The following AFG1L variants were observed in gnomAD, a reference collection of about 807,000 sequenced individuals.
AFG1L encodes AFG1-like ATPase.
Under a neutral mutation model 62.2 loss-of-function variants are expected in AFG1L, and 53 were observed. The ratio of observed to expected loss-of-function variants is 0.85; its 90% CI spans 0.68 to 1.07. The LOEUF is 1.07. AFG1L is among the 50% of genes least tolerant of loss of function. The probability of loss-of-function intolerance (pLI) is 0.00; values close to 1 mark genes in which losing one functional copy is unlikely to be tolerated. For missense variants in AFG1L, 555 were observed against 590.5 expected, an observed-to-expected ratio of 0.94 and a Z score of 0.62; for synonymous variants, 228 against 210.3, an observed-to-expected ratio of 1.08 and a Z score of -0.73.
chr6:108,516,810 G>A (rs1042583104), intron 11 of AFG1L, among the ~76,000 whole-genome samples: 1 of 152,102 alleles, frequency 6.6e-6, no homozygotes, highest in Non-Finnish European at 1.5e-5. Flanking sequence ...AAAGTCTCAG[G>A]ATACAAAATC....
At chr6:108,489,799 T>C (rs950479674) in intron 10 of AFG1L, among the ~76,000 whole-genome samples, 4 of 152,178 alleles carry the variant, frequency 2.6e-5, no homozygotes, top group Admixed American at 1.3e-4. Flanking sequence ...GAACGGGGCT[T>C]ACAAACAGTT....
In AFG1L at chr6:108,436,650, C is replaced by G. The variant is rs567096571; in HGVS notation, c.808-10564C>G. Among the ~76,000 whole-genome samples, 7 of 152,236 alleles carry G rather than the reference C, an allele frequency of 4.6e-5. No individual in the cohort carries two copies. The South Asian group carries it at 1.5e-3, about 32-fold the overall frequency. On this transcript the variant is annotated intron_variant, in intron 7 of 12. Transcript: ENST00000368977. ...TGCCTTTTGTGTATCCAAGCAAGAG[C>G]CATAGTTGCCTGAGCATATCATGGG...
At chr6:108,316,517 T>G (rs1435841218) in intron 1 of AFG1L, among the ~76,000 whole-genome samples, 1 of 150,812 alleles carries the variant, frequency 6.6e-6, no homozygotes, top group Non-Finnish European at 1.5e-5. Context: ...TGTATATATT[T>G]ATGGGGTACA....
chr6:108,486,917 C>T (rs1001669201), intron 10 of AFG1L, among the ~76,000 whole-genome samples: 16 of 152,004 alleles, frequency 1.1e-4, no homozygotes, highest in African/African-American at 3.9e-4. Context: ...GTTGGCCAGG[C>T]TGGTCTTGAA....
intron 11 of AFG1L, among the ~76,000 whole-genome samples, chr6:108,513,151 A>T (rs1467248766): frequency 6.6e-6 from 1 of 152,224 alleles, no homozygotes; most frequent in Admixed American, 6.5e-5. Context: ...AGATGGCCAA[A>T]TAGGGACAGC....
intron 5 of AFG1L, among the ~76,000 whole-genome samples, chr6:108,363,842 T>G (rs770654551): frequency 2.6e-5 from 4 of 152,174 alleles, no homozygotes; most frequent in Non-Finnish European, 5.9e-5. Context: ...TAATAAAAAA[T>G]AGGTGCTTAT....
chr6:108,457,453 T>C (rs1418395495), intron 8 of AFG1L, among the ~76,000 whole-genome samples: 1 of 151,982 alleles, frequency 6.6e-6, no homozygotes. Flanking sequence ...TATAGTATAC[T>C]TCCATTTTTA....
intron 6 of AFG1L, among the ~76,000 whole-genome samples, chr6:108,369,264 A>G (rs1237201646): frequency 2.6e-5 from 4 of 152,144 alleles, no homozygotes; most frequent in African/African-American, 9.7e-5. Flanking sequence ...TCAGGATGCA[A>G]CTGCTGCATC....
intron 3 of AFG1L, among the ~76,000 whole-genome samples, chr6:108,350,601 A>G (rs1354793132): frequency 6.6e-6 from 1 of 152,208 alleles, no homozygotes; most frequent in Non-Finnish European, 1.5e-5. Context: ...ATCACATCTC[A>G]TATAGAAGCC....
At chr6:108,514,004 G>T (rs1320551329) in intron 11 of AFG1L, among the ~76,000 whole-genome samples, 4 of 152,188 alleles carry the variant, frequency 2.6e-5, no homozygotes, top group African/African-American at 9.7e-5. Flanking sequence ...GGCAAACAGG[G>T]TCTGGAGTGG....
At chr6:108,364,278 C>T (rs186038803) in intron 5 of AFG1L, among the ~76,000 whole-genome samples, 1 of 152,360 alleles carries the variant, frequency 6.6e-6, no homozygotes, top group East Asian at 1.9e-4. Context: ...CACCCGGCTA[C>T]AGCAAGTGAC....
intron 8 of AFG1L, among the ~76,000 whole-genome samples, chr6:108,451,590 G>C (rs1772056093): frequency 6.6e-6 from 1 of 152,174 alleles, no homozygotes; most frequent in African/African-American, 2.4e-5. Context: ...ACAAAACAGA[G>C]ACCTTGATTG....
At chr6:108,331,546 A>G (rs1778277989) in intron 2 of AFG1L, among the ~76,000 whole-genome samples, 1 of 152,218 alleles carries the variant, frequency 6.6e-6, no homozygotes, top group Non-Finnish European at 1.5e-5. Flanking sequence ...TGAACAGATG[A>G]CCATGCCATA....
chr6:108,339,484 C>T (rs1385058767), intron 2 of AFG1L, among the ~76,000 whole-genome samples: 1 of 127,624 alleles, frequency 7.8e-6, no homozygotes, highest in African/African-American at 3.0e-5. Flanking sequence ...TTTTTTGAGA[C>T]AGTCTTGCTC....
At chr6:108,402,556 G>A (rs991104822) in intron 7 of AFG1L, among the ~76,000 whole-genome samples, 1 of 150,550 alleles carries the variant, frequency 6.6e-6, no homozygotes, top group Non-Finnish European at 1.5e-5. Context: ...GACACTAAAG[G>A]AGAAAAGAAT....
chr6:108,353,964 C>T (rs1413784473), intron 3 of AFG1L, among the ~76,000 whole-genome samples: 1 of 152,166 alleles, frequency 6.6e-6, no homozygotes, highest in Non-Finnish European at 1.5e-5. Flanking sequence ...AAAGATAAGA[C>T]TTAGATCTTC....
intron 2 of AFG1L, chr6:108,344,679 T>G (rs1310792663): frequency 2.1e-6 from 1 of 469,496 alleles, no homozygotes; most frequent in East Asian, 6.9e-5. Flanking sequence ...TATTGACCAC[T>G]CCGGTTGATG....
intron 6 of AFG1L, among the ~76,000 whole-genome samples, chr6:108,379,001 T>C (rs1322586655): frequency 2.1e-5 from 2 of 96,056 alleles, no homozygotes; most frequent in African/African-American, 5.0e-5. Flanking sequence ...CTCCTTCTTC[T>C]TTTTTTTTTT....
At chr6:108,384,082 G>T (rs1243580838) in intron 6 of AFG1L, among the ~76,000 whole-genome samples, 8 of 141,392 alleles carry the variant, frequency 5.7e-5, no homozygotes, top group Non-Finnish European at 1.1e-4. Context: ...AAAAAAAAAG[G>T]CTGGCAGATT....
Sources: gnomAD v4.1 joint callset for allele counts (sites outside exome capture counted in the v4.1 genomes callset) on GRCh38, gnomAD v4.1.1 for gene constraint, MANE v1.5 for transcripts, NCBI Gene and HGNC (gene_info 2026-07-23, HGNC 2026-07-21) for gene names.